PAK2: variants seen among roughly 807,000 people sequenced by gnomAD.
PAK2 encodes the protein p21 (RAC1) activated kinase 2.
PAK2 carries 21 observed loss-of-function variants against 65.9 expected under a neutral mutation model. The ratio of observed to expected loss-of-function variants is 0.32; its 90% CI spans 0.23 to 0.46. The LOEUF (loss-of-function observed/expected upper bound fraction) is 0.46. Ranked by LOEUF, PAK2 falls within the 20% of genes least tolerant of loss-of-function variation. PAK2 has a pLI of 1.00. For missense variants in PAK2, 324 were observed against 642.6 expected, an observed-to-expected ratio of 0.50 and a Z score of 5.36; for synonymous variants, 204 against 219.7, an observed-to-expected ratio of 0.93 and a Z score of 0.63.
chr3:196,801,867 G>T, intron 2 of PAK2, 60 bp from the exon 3 acceptor site: 1 of 810,860 alleles, frequency 1.2e-6, no homozygotes, highest in Non-Finnish European at 2.1e-6. Flanking sequence ...AATTATAAGT[G>T]CCTTTACTAG....
intron 2 of PAK2, among the ~76,000 whole-genome samples, chr3:196,792,927 C>G (rs915333653): frequency 1.3e-4 from 20 of 152,126 alleles, no homozygotes; most frequent in African/African-American, 4.1e-4. Flanking sequence ...CCTGACTCAG[C>G]AGGACAGAGA....
intron 1 of PAK2, among the ~76,000 whole-genome samples, chr3:196,779,188 CATTT>C (rs1462575198): frequency 6.6e-6 from 1 of 152,164 alleles, no homozygotes; most frequent in African/African-American, 2.4e-5. Context: ...CCTTTTCTCC[CATTT>C]ATTTACTTAT....
intron 7 of PAK2, among the ~76,000 whole-genome samples, chr3:196,810,063 C>T (rs924873775): frequency 6.6e-5 from 10 of 151,850 alleles, no homozygotes; most frequent in African/African-American, 2.2e-4. Context: ...GAAATGTATA[C>T]TGGAAGAGTC....
intron 1 of PAK2, among the ~76,000 whole-genome samples, chr3:196,743,903 CAAA>C (rs1412399468): frequency 2.6e-5 from 4 of 151,344 alleles, no homozygotes; most frequent in South Asian, 2.1e-4. Context: ...AACAAACAAA[CAAA>C]AAACTGCCTT....
intron 13 of PAK2, among the ~76,000 whole-genome samples, chr3:196,824,824 C>G (rs930625491): frequency 6.7e-6 from 1 of 149,656 alleles, no homozygotes; most frequent in Non-Finnish European, 1.5e-5. Context: ...AAAAAAAAAA[C>G]AAGACCATAG....
chr3:196,809,253 A>T (rs1715694259), intron 7 of PAK2, among the ~76,000 whole-genome samples: 1 of 150,858 alleles, frequency 6.6e-6, no homozygotes, highest in African/African-American at 2.4e-5. Flanking sequence ...GTCTCTAAAA[A>T]ATAAACAAAT....
intron 2 of PAK2, among the ~76,000 whole-genome samples, chr3:196,799,921 A>T (rs2108754513): frequency 6.6e-6 from 1 of 152,304 alleles, no homozygotes; most frequent in South Asian, 2.1e-4. Context: ...GCCAGCTTCT[A>T]ATGTTTATAT....
In PAK2 at chr3:196,830,579, A is replaced by G. The variant is rs189937859; in HGVS notation, c.*2174A>G. Reference sequence around the variant, plus strand: ...CCTCGTTTCAGGCTTGTGACTCAACAAAGGGCTTTTCCATTGATAGAAGCA... The same window carrying G: ...CCTCGTTTCAGGCTTGTGACTCAACGAAGGGCTTTTCCATTGATAGAAGCA... On this transcript the variant is annotated 3_prime_UTR_variant, in exon 15 of 15. Transcript: ENST00000327134. 6.6e-6 allele frequency: 1 copy of G among 152,300 alleles called. No individual in the cohort carries two copies. Among genetic ancestry groups the G allele is most frequent in the East Asian group, 1.9e-4 (1 of 5,172 alleles). 9.4% of individuals were successfully genotyped at this position (152,300 alleles called of 1,614,324 possible).
rs1469342663 is a variant in PAK2 at position 196,818,023 on chromosome 3, C to T, written c.1054-34C>T. The T allele has an allele frequency of 6.9e-6, 6 of 874,848 alleles. No individual in the cohort carries two copies. In the Admixed American group the frequency reaches 8.8e-5, roughly 13 times the overall value. The allele number at this position is 874,848 out of a possible 1,614,324, so 54.2% of individuals were successfully genotyped here. A position where few individuals can be genotyped will look rare whatever the true frequency, so the allele number is the denominator to read the frequency against. ...GTGCCTCCCTGTGTCTTTTCAGGGA[C>T]TATTTCATTAATAGGTGTTTTTCTT... On this transcript the variant is annotated intron_variant, in intron 11 of 14. Coordinates refer to ENST00000327134, the MANE Select transcript of PAK2 (RefSeq NM_002577.4).
At chr3:196,795,182 A>G (rs995539559) in intron 2 of PAK2, among the ~76,000 whole-genome samples, 6 of 152,108 alleles carry the variant, frequency 3.9e-5, no homozygotes, top group African/African-American at 1.4e-4. Flanking sequence ...AGGGCTGGGC[A>G]CAGTGGCTCA....
intron 1 of PAK2, among the ~76,000 whole-genome samples, chr3:196,757,601 C>T (rs1713812834): frequency 6.6e-6 from 1 of 151,962 alleles, no homozygotes; most frequent in African/African-American, 2.4e-5. Context: ...AAAATTAACC[C>T]CAAACCCCTC....
chr3:196,767,983 ACTT>A (rs1398065921), intron 1 of PAK2, among the ~76,000 whole-genome samples: 2 of 151,894 alleles, frequency 1.3e-5, no homozygotes, highest in African/African-American at 4.9e-5. Context: ...TTGTGAATAA[ACTT>A]CTTGGTGAAG....
intron 2 of PAK2, among the ~76,000 whole-genome samples, chr3:196,793,417 G>A (rs763100868): frequency 4.4e-4 from 67 of 152,102 alleles, no homozygotes; most frequent in Non-Finnish European, 3.8e-4. Context: ...CAATGGCCTG[G>A]GGAAAAAAAT....
intron 11 of PAK2, among the ~76,000 whole-genome samples, chr3:196,815,814 A>G (rs181478228): frequency 2.9e-4 from 44 of 151,860 alleles, no homozygotes; most frequent in African/African-American, 9.9e-4. Context: ...GAAATACGCC[A>G]CTCAACCGTG....
intron 1 of PAK2, among the ~76,000 whole-genome samples, chr3:196,773,121 G>A (rs1049572021): frequency 2.6e-5 from 4 of 152,144 alleles, no homozygotes; most frequent in Non-Finnish European, 4.4e-5. Context: ...TGTTTGAGTC[G>A]TGTCACAGTT....
chr3:196,811,310 CTTCCTTTCCTTCCT>C (rs1560113855), intron 8 of PAK2, among the ~76,000 whole-genome samples: 2 of 26,180 alleles, frequency 7.6e-5, no homozygotes, highest in Non-Finnish European at 1.4e-4. Context: ...CCTTCCTTCC[CTTCCTTTCCTTCCT>C]TCCCTTCCCT....
intron 2 of PAK2, among the ~76,000 whole-genome samples, chr3:196,801,114 A>G (rs1715411037): frequency 6.6e-6 from 1 of 152,180 alleles, no homozygotes; most frequent in Admixed American, 6.6e-5. Flanking sequence ...TAACTCCACT[A>G]AAAAAGGATT....
intron 3 of PAK2, among the ~76,000 whole-genome samples, chr3:196,802,401 CAAAA>C (rs1341860932): frequency 6.6e-6 from 1 of 151,420 alleles, no homozygotes; most frequent in East Asian, 1.9e-4. Flanking sequence ...AACTCCGTCT[CAAAA>C]AAAGGGAAAT....
chr3:196,786,950 A>G (rs1714909853), intron 2 of PAK2, among the ~76,000 whole-genome samples: 1 of 151,634 alleles, frequency 6.6e-6, no homozygotes, highest in Admixed American at 6.6e-5. Flanking sequence ...TCAGCCTTCC[A>G]AGTAGTTGGG....
Sources: gnomAD v4.1 joint callset for allele counts (sites outside exome capture counted in the v4.1 genomes callset) on GRCh38, gnomAD v4.1.1 for gene constraint, MANE v1.5 for transcripts, NCBI Gene and HGNC (gene_info 2026-07-23, HGNC 2026-07-21) for gene names.